CTNNA3: variants seen among roughly 807,000 people sequenced by gnomAD.
The protein encoded by CTNNA3 is catenin alpha-3.
CTNNA3 carries 76 observed loss-of-function variants against 95.7 expected under a neutral mutation model. The ratio of observed to expected loss-of-function variants is 0.79; its 90% CI spans 0.66 to 0.96. The LOEUF is 0.96. Ranked by LOEUF, CTNNA3 falls within the 40% of genes least tolerant of loss-of-function variation. The probability of loss-of-function intolerance (pLI) is 0.00; values close to 1 mark genes in which losing one functional copy is unlikely to be tolerated. For missense variants in CTNNA3, 1,191 were observed against 1,089.8 expected (o/e 1.09, Z -1.31); for synonymous variants, 431 against 374.4 (o/e 1.15, Z -1.74).
chr10:66,196,110 T>C (rs999347848), intron 13 of CTNNA3, among the ~76,000 whole-genome samples: 1 of 152,186 alleles, frequency 6.6e-6, no homozygotes, highest in African/African-American at 2.4e-5. Flanking sequence ...GAATGGGGTT[T>C]ATAATAAGAT....
chr10:66,577,255 A>G (rs183498163), intron 10 of CTNNA3, among the ~76,000 whole-genome samples: 2 of 151,926 alleles, frequency 1.3e-5, no homozygotes, highest in East Asian at 3.9e-4. Flanking sequence ...GTTTGCTAAT[A>G]TTTTCTCCCA....
chr10:66,024,063 C>T (rs1022825359), intron 15 of CTNNA3, among the ~76,000 whole-genome samples: 3 of 142,236 alleles, frequency 2.1e-5, no homozygotes, highest in African/African-American at 7.7e-5. Context: ...CTCTAGTTAT[C>T]ACAGAAACTT....
At chr10:66,895,419 T>C (rs1177475537) in intron 7 of CTNNA3, among the ~76,000 whole-genome samples, 1 of 152,214 alleles carries the variant, frequency 6.6e-6, no homozygotes, top group Admixed American at 6.5e-5. Flanking sequence ...GGATTATCAG[T>C]AAAATCAAGA....
intron 9 of CTNNA3, among the ~76,000 whole-genome samples, chr10:66,671,408 A>C (rs1405344895): frequency 6.6e-6 from 1 of 152,136 alleles, no homozygotes; most frequent in African/African-American, 2.4e-5. Flanking sequence ...GAAAGAGAAA[A>C]CCAATTTTTA....
intron 7 of CTNNA3, among the ~76,000 whole-genome samples, chr10:66,885,522 T>G (rs551649163): frequency 2.0e-5 from 3 of 152,242 alleles, no homozygotes; most frequent in African/African-American, 7.2e-5. Flanking sequence ...AAGTCCCCAC[T>G]GAATTCCATA....
At position 66,360,806 on chromosome 10, in the gene CTNNA3, TTC is replaced by T. The variant is rs1564897174; in HGVS notation, c.1732+18344_1732+18345del. 9.6e-3 allele frequency among the ~76,000 whole-genome samples: 793 copies of T among 82,600 alleles called. 55 individuals carry two copies. The highest frequency in any genetic ancestry group is 0.018 in the East Asian group (50 of 2,706). 54.2% of individuals were successfully genotyped at this position (82,600 alleles called of 152,430 possible). A position where few individuals can be genotyped will look rare whatever the true frequency, so the allele number is the denominator to read the frequency against. On this transcript the variant is annotated intron_variant, in intron 12 of 17. Transcript: ENST00000433211. ...CTTTCTTCCTTCCTTCCTTCCTTCC[TTC>T]CTTCCTTCCTTTCTTTCTTTCTTTC...
At chr10:67,670,064 C>A (rs190817162) in intron 1 of CTNNA3, among the ~76,000 whole-genome samples, 179 of 152,128 alleles carry the variant, frequency 1.2e-3, no homozygotes, top group African/African-American at 4.0e-3. Flanking sequence ...GATAGAATAC[C>A]GAACTAAACA....
intron 15 of CTNNA3, among the ~76,000 whole-genome samples, chr10:66,062,436 A>G (rs936652374): frequency 6.6e-6 from 1 of 152,120 alleles, no homozygotes; most frequent in South Asian, 2.1e-4. Flanking sequence ...CACAGGTCCC[A>G]CTACAAACAA....
chr10:66,855,560 G>C (rs1843656606), intron 7 of CTNNA3, among the ~76,000 whole-genome samples: 2 of 151,894 alleles, frequency 1.3e-5, no homozygotes, highest in Non-Finnish European at 2.9e-5. Context: ...GCACCAAACA[G>C]GACCCAACAC....
intron 7 of CTNNA3, chr10:66,926,639 C>T: frequency 1.3e-6 from 2 of 1,587,738 alleles, no homozygotes; most frequent in African/African-American, 1.3e-5. Flanking sequence ...AAACAAAAAA[C>T]CTCTAGTGTG....
chr10:66,238,865 T>C (rs930807373), intron 13 of CTNNA3, among the ~76,000 whole-genome samples: 3 of 151,980 alleles, frequency 2.0e-5, no homozygotes, highest in South Asian at 2.1e-4. Context: ...TATGTGACCA[T>C]GAAGTAAGCA....
At chr10:67,382,752 C>T (rs79137570) in intron 5 of CTNNA3, among the ~76,000 whole-genome samples, 1 of 152,204 alleles carries the variant, frequency 6.6e-6, no homozygotes, top group Non-Finnish European at 1.5e-5. Context: ...TGCAGGGCTT[C>T]TGGTGAGGCC....
At chr10:67,096,972 A>G (rs1205208554) in intron 7 of CTNNA3, among the ~76,000 whole-genome samples, 1 of 151,954 alleles carries the variant, frequency 6.6e-6, no homozygotes, top group Non-Finnish European at 1.5e-5. Flanking sequence ...GGGTAAGAAT[A>G]GCCAGAATGG....
chr10:66,244,897 C>A (rs984061669), intron 13 of CTNNA3, among the ~76,000 whole-genome samples: 2 of 152,166 alleles, frequency 1.3e-5, no homozygotes, highest in South Asian at 4.1e-4. Flanking sequence ...AAATAAGACA[C>A]CAGAGACCAA....
At chr10:67,100,579 T>C (rs988443269) in intron 7 of CTNNA3, among the ~76,000 whole-genome samples, 2 of 151,678 alleles carry the variant, frequency 1.3e-5, no homozygotes, top group Non-Finnish European at 3.0e-5. Context: ...CCCCCATTCC[T>C]ATGTCTCCCT....
rs145376905 is a variant in CTNNA3, at chr10:67,415,385, C to A, written c.579+106457G>T. Among the ~76,000 whole-genome samples the A allele has an allele frequency of 1.9e-3, 286 of 152,234 alleles. 2 individuals carry two copies. The highest frequency in any genetic ancestry group is 6.6e-3 in the African/African-American group (275 of 41,544). On this transcript the variant is annotated intron_variant, in intron 5 of 17. Transcript: ENST00000433211. Reference sequence around the variant, plus strand: ...CAGGCTGAGAGTAAAATCTAGAACACAATTCCACTTACAATAGCCACAAAT... The same window carrying A: ...CAGGCTGAGAGTAAAATCTAGAACAAAATTCCACTTACAATAGCCACAAAT...
intron 12 of CTNNA3, among the ~76,000 whole-genome samples, chr10:66,301,152 A>C (rs1175078406): frequency 6.6e-6 from 1 of 152,076 alleles, no homozygotes; most frequent in Non-Finnish European, 1.5e-5. Flanking sequence ...GAATAGGCTT[A>C]TAGCTATTGA....
intron 9 of CTNNA3, among the ~76,000 whole-genome samples, chr10:66,758,871 G>T (rs547616872): frequency 5.3e-5 from 8 of 152,216 alleles, no homozygotes; most frequent in Non-Finnish European, 8.8e-5. Flanking sequence ...GGAGGCAGAG[G>T]TTGCCGTGAG....
intron 7 of CTNNA3, among the ~76,000 whole-genome samples, chr10:66,965,829 T>C (rs948663677): frequency 2.6e-5 from 4 of 152,136 alleles, no homozygotes; most frequent in African/African-American, 7.2e-5. Flanking sequence ...TTTTTTTCTA[T>C]GTTAAGTGAA....
Sources: gnomAD v4.1 joint callset for allele counts (sites outside exome capture counted in the v4.1 genomes callset) on GRCh38, gnomAD v4.1.1 for gene constraint, MANE v1.5 for transcripts, NCBI Gene and HGNC (gene_info 2026-07-23, HGNC 2026-07-21) for gene names.